DYNC1I1: variants seen among roughly 807,000 people sequenced by gnomAD.
DYNC1I1 encodes the protein cytoplasmic dynein 1 intermediate chain 1.
In DYNC1I1, 43 loss-of-function variants were observed where a neutral mutation model predicts 86.6. That is an observed-to-expected ratio of 0.50 (90% confidence interval 0.39 to 0.64). The LOEUF (loss-of-function observed/expected upper bound fraction) is 0.64, where lower values mean the gene tolerates loss of function less well. DYNC1I1 is among the 30% of genes least tolerant of loss of function. The pLI is 0.00. For missense variants in DYNC1I1, 604 were observed against 788.8 expected, an observed-to-expected ratio of 0.77 and a Z score of 2.81; for synonymous variants, 262 against 283.7, an observed-to-expected ratio of 0.92 and a Z score of 0.77.
At chr7:96,036,843 A>G (rs1332335138) in intron 13 of DYNC1I1, among the ~76,000 whole-genome samples, 2 of 152,180 alleles carry the variant, frequency 1.3e-5, no homozygotes, top group East Asian at 3.9e-4. Flanking sequence ...AGTGGAATCC[A>G]ATAGTTTGGA....
chr7:95,793,818 C>T (rs114319001), intron 1 of DYNC1I1, among the ~76,000 whole-genome samples: 4,866 of 152,244 alleles, frequency 0.032, 251 homozygotes, highest in African/African-American at 0.11. Context: ...AATGTTTACT[C>T]AGTGCCTACT....
intron 10 of DYNC1I1, among the ~76,000 whole-genome samples, chr7:96,026,723 T>C (rs942338454): frequency 6.6e-6 from 1 of 152,300 alleles, no homozygotes; most frequent in African/African-American, 2.4e-5. Context: ...GGAATGCCTG[T>C]TGCTTCTCTC....
At chr7:95,956,480 C>A (rs964405239) in intron 6 of DYNC1I1, among the ~76,000 whole-genome samples, 1 of 151,568 alleles carries the variant, frequency 6.6e-6, no homozygotes, top group African/African-American at 2.4e-5. Flanking sequence ...GTTTGCTGCA[C>A]CCATTAACCG....
At chr7:96,097,458 AT>A (rs745827962) in intron 16 of DYNC1I1, 24 bp from the exon 17 acceptor site, 18 of 1,612,788 alleles carry the variant, frequency 1.1e-5, no homozygotes, top group South Asian at 8.8e-5. Context: ...CTTGTTCATC[AT>A]TTCTCCATTG....
chr7:95,858,068 T>A (rs1375517978), intron 5 of DYNC1I1, among the ~76,000 whole-genome samples: 2 of 152,224 alleles, frequency 1.3e-5, no homozygotes, highest in Admixed American at 1.3e-4. Flanking sequence ...TTTGTTAGTC[T>A]AGTTGCCTTC....
At chr7:95,942,402 C>G (rs1178359420) in intron 6 of DYNC1I1, among the ~76,000 whole-genome samples, 1 of 152,094 alleles carries the variant, frequency 6.6e-6, no homozygotes, top group Non-Finnish European at 1.5e-5. Flanking sequence ...CCAAAAAGAG[C>G]CCAGGACCAG....
intron 11 of DYNC1I1, among the ~76,000 whole-genome samples, chr7:96,028,744 T>A (rs545412151): frequency 6.6e-6 from 1 of 152,362 alleles, no homozygotes; most frequent in Non-Finnish European, 1.5e-5. Flanking sequence ...CATGTGTGAT[T>A]TGAGAGAGTA....
chr7:96,048,885 G>A (rs1026454802), intron 14 of DYNC1I1, among the ~76,000 whole-genome samples: 3 of 152,192 alleles, frequency 2.0e-5, no homozygotes, highest in African/African-American at 7.2e-5. Flanking sequence ...CTTGAAACTT[G>A]ACAATATGGG....
rs565461447 is a variant in DYNC1I1, at chr7:95,909,293, G to T, written c.490+39295G>T. On this transcript the variant is annotated intron_variant, in intron 6 of 16. Coordinates refer to ENST00000447467, the MANE Select transcript of DYNC1I1 (RefSeq NM_001135556.2). ...GGAAAATACAACTTGGATATTTTTC[G>T]AACTCTAGCAGCAACAAGGATGTTT... is the stretch of plus-strand genomic sequence containing the variant. 4.5e-4 allele frequency among the ~76,000 whole-genome samples: 68 copies of T among 149,576 alleles called. 1 individual carries two copies. The highest frequency in any genetic ancestry group is 1.4e-3 in the African/African-American group (58 of 40,572).
At chr7:96,063,050 C>T (rs905909188) in intron 14 of DYNC1I1, among the ~76,000 whole-genome samples, 1 of 151,474 alleles carries the variant, frequency 6.6e-6, no homozygotes, top group African/African-American at 2.4e-5. Flanking sequence ...TGAAAAGAGG[C>T]TCTGCTGTCT....
At chr7:95,999,352 G>A (rs1371324483) in intron 10 of DYNC1I1, among the ~76,000 whole-genome samples, 1 of 152,066 alleles carries the variant, frequency 6.6e-6, no homozygotes, top group Admixed American at 6.6e-5. Context: ...TTTACTTTTT[G>A]GTGATTTGGT....
At chr7:95,818,536 A>T in intron 4 of DYNC1I1, 3 of 666,126 alleles carry the variant, frequency 4.5e-6, no homozygotes, top group Non-Finnish European at 5.4e-6. Flanking sequence ...CTGGTCTTGA[A>T]CTTCTGGCCT....
At chr7:95,993,556 A>G (rs1257200363) in intron 9 of DYNC1I1, among the ~76,000 whole-genome samples, 5 of 152,176 alleles carry the variant, frequency 3.3e-5, no homozygotes, top group Non-Finnish European at 7.3e-5. Context: ...GTTTCTTTGA[A>G]TGGGCTTTGA....
At chr7:96,078,532 A>T (rs1790413084) in intron 15 of DYNC1I1, among the ~76,000 whole-genome samples, 1 of 152,140 alleles carries the variant, frequency 6.6e-6, no homozygotes, top group Non-Finnish European at 1.5e-5. Context: ...ACTATTTTTA[A>T]ATGTTTAAAA....
intron 2 of DYNC1I1, among the ~76,000 whole-genome samples, chr7:95,806,917 G>A (rs528989694): frequency 2.0e-5 from 3 of 152,272 alleles, no homozygotes; most frequent in African/African-American, 4.8e-5. Flanking sequence ...GGGCTTTTGA[G>A]TTGAACATGG....
intron 1 of DYNC1I1, among the ~76,000 whole-genome samples, chr7:95,786,108 C>A (rs1421401648): frequency 6.6e-6 from 1 of 151,908 alleles, no homozygotes; most frequent in Non-Finnish European, 1.5e-5. Flanking sequence ...AAATAACTTT[C>A]TTCTGAAGCA....
At chr7:96,039,516 G>A (rs368620553) in intron 14 of DYNC1I1, 95 bp downstream of exon 14, 1 of 1,506,414 alleles carries the variant, frequency 6.6e-7, no homozygotes, top group African/African-American at 1.4e-5. Flanking sequence ...GCCTCTTCCA[G>A]GCAACCTGGC....
intron 6 of DYNC1I1, among the ~76,000 whole-genome samples, chr7:95,943,677 T>C (rs1792306864): frequency 6.7e-6 from 1 of 149,622 alleles, no homozygotes; most frequent in Non-Finnish European, 1.5e-5. Flanking sequence ...AAAACAGAGA[T>C]ATAGATCAAT....
At chr7:95,793,676 C>G (rs1794366271) in intron 1 of DYNC1I1, among the ~76,000 whole-genome samples, 1 of 152,152 alleles carries the variant, frequency 6.6e-6, no homozygotes, top group Non-Finnish European at 1.5e-5. Flanking sequence ...TCTATTTTAA[C>G]CAATTGGATG....
Sources: gnomAD v4.1 joint callset for allele counts (sites outside exome capture counted in the v4.1 genomes callset) on GRCh38, gnomAD v4.1.1 for gene constraint, MANE v1.5 for transcripts, NCBI Gene and HGNC (gene_info 2026-07-23, HGNC 2026-07-21) for gene names.